The following NR3C1 variants were observed in gnomAD, a reference collection of about 807,000 sequenced individuals.
NR3C1 encodes glucocorticoid receptor.
NR3C1 carries 14 observed loss-of-function variants against 74.0 expected under a neutral mutation model. That is an observed-to-expected ratio of 0.19 (90% CI 0.12 to 0.30). The LOEUF (loss-of-function observed/expected upper bound fraction) is 0.30, where lower values mean the gene tolerates loss of function less well. Ranked by LOEUF, NR3C1 falls within the 10% of genes least tolerant of loss-of-function variation. The pLI, the probability that NR3C1 is intolerant of heterozygous loss-of-function variation, is 1.00. For synonymous variants in NR3C1, 308 were observed against 332.5 expected, an observed-to-expected ratio of 0.93 and a Z score of 0.80; for missense variants, 695 against 909.8, an observed-to-expected ratio of 0.76 and a Z score of 3.04.
Position 143,399,722 on chromosome 5 carries a change from T to C in NR3C1, c.1118A>G (p.Asp373Gly). 6.2e-7 allele frequency: 1 copy of C among 1,614,198 alleles called. No homozygotes were observed. Among genetic ancestry groups the C allele is most frequent in the South Asian group, 1.1e-5 (1 of 91,088 alleles). The change falls in exon 2 of 9, where the codon GAC becomes GGC. Residue 373 changes from aspartate to glycine, a missense_variant. Transcript: ENST00000394464. ...NWNRCQGSGD[D>G]NLTSLGTLNF... is the part of the protein sequence containing the mutation. ...CAGAGTCCCCAGAGAAGTCAAGTTG[T>C]CATCTCCAGATCCTTGGCACCTATT...
intron 2 of NR3C1, among the ~76,000 whole-genome samples, chr5:143,341,307 G>T (rs545887853): frequency 6.6e-6 from 1 of 152,246 alleles, no homozygotes; most frequent in East Asian, 1.9e-4. Flanking sequence ...AATTTATGAG[G>T]TTCTCATTTC....
intron 2 of NR3C1, among the ~76,000 whole-genome samples, chr5:143,377,282 A>AC (rs1230122437): frequency 6.6e-6 from 1 of 152,108 alleles, no homozygotes; most frequent in Non-Finnish European, 1.5e-5. Context: ...CTCCCCCCAC[A>AC]CAAAAAAAGG....
intron 2 of NR3C1, among the ~76,000 whole-genome samples, chr5:143,338,049 C>G (rs1213740455): frequency 2.0e-5 from 3 of 152,124 alleles, no homozygotes; most frequent in Non-Finnish European, 4.4e-5. Flanking sequence ...TCATGCACGA[C>G]ATAAATTTCA....
chr5:143,337,096 C>T (rs755346114), intron 2 of NR3C1, among the ~76,000 whole-genome samples: 4 of 152,028 alleles, frequency 2.6e-5, no homozygotes, highest in Non-Finnish European at 5.9e-5. Flanking sequence ...AAGAATTAGG[C>T]TAAATCTAAA....
intron 2 of NR3C1, among the ~76,000 whole-genome samples, chr5:143,376,759 G>A (rs1835277522): frequency 1.3e-5 from 2 of 152,206 alleles, no homozygotes; most frequent in Admixed American, 1.3e-4. Flanking sequence ...GAGGGAAGAT[G>A]ATGTACAGAA....
intron 1 of NR3C1, among the ~76,000 whole-genome samples, chr5:143,426,490 T>C (rs1012985152): frequency 6.6e-6 from 1 of 152,168 alleles, no homozygotes; most frequent in Non-Finnish European, 1.5e-5. Flanking sequence ...AAAGCACGAG[T>C]TATGCCATTA....
At chr5:143,366,478 C>G (rs1833214139) in intron 2 of NR3C1, among the ~76,000 whole-genome samples, 1 of 149,224 alleles carries the variant, frequency 6.7e-6, no homozygotes, top group South Asian at 2.1e-4. Flanking sequence ...CCACTGCACT[C>G]TAGACTGGGT....
At position 143,300,476 on chromosome 5, in the gene NR3C1, G is replaced by T. The variant is rs1230909868; in HGVS notation, c.1747+9C>A. On this transcript the variant is annotated intron_variant, in intron 5 of 8. Coordinates refer to ENST00000394464, the MANE Select transcript of NR3C1 (RefSeq NM_000176.3). This position sits in a 1 kb window ranked among gnomAD's most constrained non-coding sequence, Gnocchi z 5.2. The stretch of plus-strand genomic sequence containing the variant: ...TTATATAGTTGCTCTTTTATGTTTT[G>T]CATCTTACCTGGTATTGCCTTTGCC... 6.2e-7 allele frequency: 1 copy of T among 1,614,082 alleles called. No homozygotes were observed. Among genetic ancestry groups the T allele is most frequent in the Non-Finnish European group, 8.5e-7 (1 of 1,179,962 alleles).
chr5:143,425,662 T>C (rs1455631053), intron 1 of NR3C1, among the ~76,000 whole-genome samples: 1 of 152,036 alleles, frequency 6.6e-6, no homozygotes, highest in Non-Finnish European at 1.5e-5. Flanking sequence ...AAATTGAAAA[T>C]ACAGGAGATA....
At chr5:143,332,943 C>T (rs761258410) in intron 2 of NR3C1, 7 of 1,573,702 alleles carry the variant, frequency 4.4e-6, no homozygotes, top group South Asian at 2.2e-5. Flanking sequence ...GAAGTCTGTC[C>T]GAGAACTCAT....
chr5:143,384,006 T>A (rs1031530758), intron 2 of NR3C1, among the ~76,000 whole-genome samples: 1 of 152,174 alleles, frequency 6.6e-6, no homozygotes, highest in Non-Finnish European at 1.5e-5. Flanking sequence ...AGAGACTTAA[T>A]TGACTTACAG....
intron 7 of NR3C1, 77 bp from the exon 8 acceptor site, chr5:143,282,802 T>C: frequency 3.4e-6 from 5 of 1,455,714 alleles, no homozygotes; most frequent in Middle Eastern, 4.0e-4. Context: ...TTGAGATAGA[T>C]AGGGTCTCAC....
chr5:143,406,594 A>G (rs994584428), upstream of NR3C1, among the ~76,000 whole-genome samples: 8 of 152,168 alleles, frequency 5.3e-5, no homozygotes, highest in Non-Finnish European at 1.5e-5. Context: ...TGTGGCTAAC[A>G]TTTATTGATC....
intron 7 of NR3C1, among the ~76,000 whole-genome samples, chr5:143,289,900 T>C (rs1815458832): frequency 6.6e-6 from 1 of 152,164 alleles, no homozygotes; most frequent in Non-Finnish European, 1.5e-5. Context: ...GTTTGGCAAT[T>C]TTAAAAATAA....
chr5:143,308,581 A>G (rs1820170755), intron 4 of NR3C1, among the ~76,000 whole-genome samples: 1 of 151,526 alleles, frequency 6.6e-6, no homozygotes, highest in Non-Finnish European at 1.5e-5. Context: ...CTCTCCATGT[A>G]AGATTAGTCT....
chr5:143,384,885 C>A (rs553045782), intron 2 of NR3C1, among the ~76,000 whole-genome samples: 1 of 152,248 alleles, frequency 6.6e-6, no homozygotes, highest in Non-Finnish European at 1.5e-5. Flanking sequence ...AGTGGGGTCT[C>A]TGTGTGGGGG....
chr5:143,433,782 C>T (rs1027979261), intron 1 of NR3C1: 2 of 152,368 alleles, frequency 1.3e-5, no homozygotes, highest in African/African-American at 4.8e-5. Flanking sequence ...ACTTGCCCAT[C>T]TACAGTTAAT....
intron 2 of NR3C1, among the ~76,000 whole-genome samples, chr5:143,356,513 ATACT>A (rs1831170817): frequency 6.6e-6 from 1 of 152,084 alleles, no homozygotes; most frequent in East Asian, 1.9e-4. Flanking sequence ...ACAATATTTA[ATACT>A]TTCTTTGGAC....
chr5:143,286,789 T>C (rs1814596819), intron 7 of NR3C1, among the ~76,000 whole-genome samples: 1 of 152,030 alleles, frequency 6.6e-6, no homozygotes, highest in East Asian at 1.9e-4. Context: ...AAAACTCTAC[T>C]TAACAAGAGC....
Sources: allele counts gnomAD v4.1 joint callset (sites outside exome capture counted in the v4.1 genomes callset), GRCh38; gene constraint gnomAD v4.1.1; non-coding constraint Gnocchi (gnomAD v3.1); transcripts MANE v1.5; gene names NCBI Gene and HGNC (gene_info 2026-07-23, HGNC 2026-07-21).